The following RCBTB1 variants were observed in gnomAD, a reference collection of about 807,000 sequenced individuals.
RCBTB1 encodes the protein RCC1 and BTB domain-containing protein 1.
Under a neutral mutation model 62.4 loss-of-function variants are expected in RCBTB1, and 46 were observed. That is an observed-to-expected ratio of 0.74 (90% CI 0.58 to 0.94). The LOEUF is 0.94. Ranked by LOEUF, RCBTB1 falls within the 40% of genes least tolerant of loss-of-function variation. RCBTB1 has a pLI of 0.00. For missense variants in RCBTB1, 565 were observed against 654.9 expected (o/e 0.86, Z 1.50); for synonymous variants, 222 against 245.8 (o/e 0.90, Z 0.91).
intron 5 of RCBTB1, among the ~76,000 whole-genome samples, chr13:49,556,620 T>C (rs1961911490): frequency 6.6e-6 from 1 of 152,092 alleles, no homozygotes; most frequent in African/African-American, 2.4e-5. Context: ...CTGCTTCACG[T>C]GGCTGCAGGA....
At chr13:49,581,628 TAAG>T (rs535755487) in intron 1 of RCBTB1, among the ~76,000 whole-genome samples, 68 of 152,272 alleles carry the variant, frequency 4.5e-4, no homozygotes, top group Admixed American at 1.8e-3. Flanking sequence ...CAGAGTACCT[TAAG>T]AAGAACTCTA....
At chr13:49,563,326 T>A (rs1374589893) in intron 4 of RCBTB1, among the ~76,000 whole-genome samples, 1 of 98,814 alleles carries the variant, frequency 1.0e-5, no homozygotes, top group Non-Finnish European at 1.7e-5. Flanking sequence ...TACTCCTGCC[T>A]GGGTGACAGA....
intron 5 of RCBTB1, among the ~76,000 whole-genome samples, chr13:49,558,508 A>T (rs12585079): frequency 6.6e-6 from 1 of 151,702 alleles, no homozygotes; most frequent in Admixed American, 6.6e-5. Context: ...CCTGGCCAAC[A>T]TGGTGAAACC....
At chr13:49,549,218 T>C (rs1184981467) in intron 9 of RCBTB1, among the ~76,000 whole-genome samples, 1 of 151,264 alleles carries the variant, frequency 6.6e-6, no homozygotes, top group Non-Finnish European at 1.5e-5. Flanking sequence ...GTTAATTGCA[T>C]GTTATGCGAA....
At position 49,560,059 on chromosome 13, in the gene RCBTB1, G is replaced by T. The variant is rs1317356893; in HGVS notation, c.303C>A (p.His101Gln). 1 of 1,613,760 alleles carries T rather than the reference G, an allele frequency of 6.2e-7. No individual in the cohort carries two copies. The highest frequency in any genetic ancestry group is 8.5e-7 in the Non-Finnish European group (1 of 1,179,970). ...TEDGVVYAWG[H>Q]NGYSQLGNGT... ...CATTCCCAAGCTGGCTATATCCATT[G>T]TGGCCCCAGGCATAAACCACTCCAT... The change falls in exon 5 of 13, where the codon CAC (histidine) becomes CAA (glutamine). Residue 101 changes from histidine to glutamine, a missense_variant. Transcript: ENST00000378302.
At chr13:49,535,871 A>T (rs532790877) in intron 12 of RCBTB1, among the ~76,000 whole-genome samples, 1 of 152,084 alleles carries the variant, frequency 6.6e-6, no homozygotes, top group Admixed American at 6.5e-5. Flanking sequence ...AAAAATACAA[A>T]AATTAGCCAG....
intron 6 of RCBTB1, among the ~76,000 whole-genome samples, chr13:49,553,050 C>T (rs909958103): frequency 3.9e-5 from 6 of 152,000 alleles, no homozygotes; most frequent in East Asian, 1.9e-4. Context: ...GGCGTGGTGG[C>T]GCGTGCCTGT....
intron 7 of RCBTB1, 108 bp downstream of exon 7, chr13:49,552,070 A>C: frequency 1.3e-6 from 1 of 742,024 alleles, no homozygotes; most frequent in Non-Finnish European, 2.4e-6. Flanking sequence ...ATGAAGGCAC[A>C]GAGTATTGCC....
chr13:49,540,585 G>C (rs1355848124), intron 12 of RCBTB1, among the ~76,000 whole-genome samples: 1 of 152,238 alleles, frequency 6.6e-6, no homozygotes, highest in Non-Finnish European at 1.5e-5. Flanking sequence ...AAAATATGCT[G>C]TTTGTTAGTC....
At chr13:49,575,227 T>C (rs1319243031) in intron 2 of RCBTB1, among the ~76,000 whole-genome samples, 1 of 152,188 alleles carries the variant, frequency 6.6e-6, no homozygotes, top group Non-Finnish European at 1.5e-5. Flanking sequence ...CCAGTCAGAA[T>C]GGCCATTATC....
Position 49,544,765 on chromosome 13 carries a change from G to A in RCBTB1, c.1144C>T (p.His382Tyr). The change falls in exon 10 of 13, where the codon CAT (histidine) becomes TAT (tyrosine). Residue 382 changes from histidine to tyrosine, a missense_variant. Physicochemically the swap from His to Tyr is moderately conservative, Grantham distance 83 (BLOSUM62 2). Transcript: ENST00000378302. The part of the protein sequence containing the change: ...LKFRIDGKYI[H>Y]VHKAVLKIRC... ...ATTTTCAAAACAGCTTTATGGACAT[G>A]AATATATTTTCCATCAATTCGAAAC... is the stretch of plus-strand genomic sequence containing the variant. The A allele has an allele frequency of 6.2e-7, 1 of 1,611,824 alleles. No homozygotes were observed. Among genetic ancestry groups the A allele is most frequent in the Non-Finnish European group, 8.5e-7 (1 of 1,178,736 alleles).
chr13:49,559,423 A>G (rs754970640), intron 5 of RCBTB1, among the ~76,000 whole-genome samples: 19 of 152,268 alleles, frequency 1.2e-4, no homozygotes, highest in South Asian at 6.2e-4. Context: ...TTTGGAGGCC[A>G]AGGCGGGCAG....
At chr13:49,571,921 T>C (rs1963423647) in intron 2 of RCBTB1, among the ~76,000 whole-genome samples, 1 of 152,208 alleles carries the variant, frequency 6.6e-6, no homozygotes. Context: ...TTAATGTGTA[T>C]ACACTATCAA....
chr13:49,558,695 C>CAAAAAAAA (rs1186659232), intron 5 of RCBTB1, among the ~76,000 whole-genome samples: 1 of 59,364 alleles, frequency 1.7e-5, no homozygotes, highest in African/African-American at 6.9e-5. Context: ...ACTCTGTCTC[C>CAAAAAAAA]AAAAAAAAAA....
chr13:49,541,376 C>T (rs1257056937), intron 11 of RCBTB1, among the ~76,000 whole-genome samples: 2 of 151,716 alleles, frequency 1.3e-5, no homozygotes, highest in Admixed American at 6.6e-5. Context: ...CCATGGCACA[C>T]GTTTACCTAT....
In RCBTB1 at chr13:49,567,239, G is replaced by A. The variant is rs771622704; in HGVS notation, c.41C>T (p.Ser14Phe). 6.2e-7 allele frequency: 1 copy of A among 1,614,064 alleles called. No homozygotes were observed. Among genetic ancestry groups the A allele is most frequent in the South Asian group, 1.1e-5 (1 of 91,082 alleles). ...VGKWPIFTLL[S>F]PQEIASIRKA... ...CCGAATAGACGCGATCTCTTGAGGG[G>A]AGAGTAGAGTGAAGATGGGCCACTT... The change falls in exon 3 of 13, where the codon TCC (serine) becomes TTC (phenylalanine). Residue 14 changes from serine (S) to phenylalanine (F), a missense_variant. Ser to Phe is a radical substitution (Grantham distance 155, BLOSUM62 -2). Coordinates refer to ENST00000378302, the MANE Select transcript of RCBTB1 (RefSeq NM_018191.4).
chr13:49,550,787 T>C (rs553577551), intron 8 of RCBTB1, among the ~76,000 whole-genome samples: 88 of 152,234 alleles, frequency 5.8e-4, no homozygotes, highest in African/African-American at 2.1e-3. Flanking sequence ...CTCATGTTCA[T>C]TCTGGCTACT....
chr13:49,584,454 T>C (rs572170260), intron 1 of RCBTB1, among the ~76,000 whole-genome samples: 87 of 152,350 alleles, frequency 5.7e-4, no homozygotes, highest in African/African-American at 2.1e-3. Context: ...TCCTCGACCC[T>C]GAAAGCAGTT....
Position 49,544,787 on chromosome 13 carries a change from A to C in RCBTB1, c.1122T>G (p.Phe374Leu). The change falls in exon 10 of 13, where the codon TTT becomes TTG. Residue 374 changes from phenylalanine (F) to leucine (L), a missense_variant. By Grantham distance (22) the Phe-to-Leu change is conservative. Transcript: ENST00000378302. ...FDSPETADLK[F>L]RIDGKYIHVH... ...CATGAATATATTTTCCATCAATTCGAAACTTCAGATCAGCAGTTTCTGGAC... is the reference window on the plus strand; with the variant it reads ...CATGAATATATTTTCCATCAATTCGCAACTTCAGATCAGCAGTTTCTGGAC... The C allele has an allele frequency of 6.2e-7, 1 of 1,612,434 alleles. No individual in the cohort carries two copies. Among genetic ancestry groups the C allele is most frequent in the Non-Finnish European group, 8.5e-7 (1 of 1,178,962 alleles).
Sources: allele counts gnomAD v4.1 joint callset (sites outside exome capture counted in the v4.1 genomes callset), GRCh38; gene constraint gnomAD v4.1.1; transcripts MANE v1.5; gene names NCBI Gene and HGNC (gene_info 2026-07-23, HGNC 2026-07-21).